Variants in NOL4 observed in about 807,000 individuals in gnomAD.
The protein encoded by NOL4 is nucleolar protein 4, also known as cancer/testis antigen 125.
In NOL4, 17 loss-of-function variants were observed where a neutral mutation model predicts 75.9. The ratio of observed to expected loss-of-function variants is 0.22; its 90% CI spans 0.15 to 0.34. The LOEUF (loss-of-function observed/expected upper bound fraction) is 0.34. NOL4 is among the 10% of genes least tolerant of loss of function. The pLI is 1.00. For synonymous variants in NOL4, 292 were observed against 289.9 expected, an observed-to-expected ratio of 1.01 and a Z score of -0.07; for missense variants, 614 against 793.5, an observed-to-expected ratio of 0.77 and a Z score of 2.72.
chr18:33,886,785 C>CTATATACGTA (rs1568009154), intron 9 of NOL4, among the ~76,000 whole-genome samples: 4 of 139,152 alleles, frequency 2.9e-5, no homozygotes, highest in Middle Eastern at 4.1e-3. Flanking sequence ...ATATATATAT[C>CTATATACGTA]TATAGATATA....
At chr18:34,123,558 TATG>T (rs2080248428) in intron 2 of NOL4, among the ~76,000 whole-genome samples, 1 of 141,476 alleles carries the variant, frequency 7.1e-6, no homozygotes. Context: ...TATATATATA[TATG>T]GTTCTCTATA....
At chr18:33,922,067 T>A (rs1363146659) in intron 9 of NOL4, among the ~76,000 whole-genome samples, 1 of 152,166 alleles carries the variant, frequency 6.6e-6, no homozygotes, top group Non-Finnish European at 1.5e-5. Context: ...GTTGCTACTA[T>A]GAGAGGATAA....
chr18:33,886,802 T>A (rs1332029108), intron 9 of NOL4, among the ~76,000 whole-genome samples: 1 of 142,326 alleles, frequency 7.0e-6, no homozygotes, highest in South Asian at 2.1e-4. Context: ...TATATCTATA[T>A]ACGTATATAG....
chr18:34,128,871 T>G (rs2080502908), intron 2 of NOL4: 2 of 982,148 alleles, frequency 2.0e-6, no homozygotes, highest in African/African-American at 1.7e-5. Flanking sequence ...CTTTGAGCAT[T>G]TCACACATTT....
intron 2 of NOL4, among the ~76,000 whole-genome samples, chr18:34,110,378 A>T (rs1438266931): frequency 6.6e-6 from 1 of 152,146 alleles, no homozygotes; most frequent in East Asian, 1.9e-4. Flanking sequence ...GGATGTTTCA[A>T]CATACACAAA....
intron 3 of NOL4, 77 bp from the exon 4 acceptor site, chr18:34,104,236 C>T (rs2079166199): frequency 1.1e-6 from 1 of 879,070 alleles, no homozygotes. Context: ...TCTATTTCTC[C>T]AAATTGAAAC....
At chr18:33,865,491 G>A (rs2063387111) in intron 10 of NOL4, among the ~76,000 whole-genome samples, 1 of 151,960 alleles carries the variant, frequency 6.6e-6, no homozygotes, top group African/African-American at 2.4e-5. Context: ...CAGCTGTAAT[G>A]TCATACACCC....
intron 1 of NOL4, among the ~76,000 whole-genome samples, chr18:34,178,428 A>G (rs2033745876): frequency 1.3e-5 from 2 of 151,694 alleles, no homozygotes; most frequent in Admixed American, 1.3e-4. Flanking sequence ...GACTAAATTA[A>G]TGGATAAAAA....
chr18:34,109,906 G>T (rs983770940), intron 2 of NOL4, among the ~76,000 whole-genome samples: 26 of 151,558 alleles, frequency 1.7e-4, no homozygotes, highest in African/African-American at 6.3e-4. Flanking sequence ...TAACACAAAA[G>T]AAATGCATAA....
At chr18:34,141,590 C>T (rs960700745) in intron 1 of NOL4, among the ~76,000 whole-genome samples, 4 of 151,910 alleles carry the variant, frequency 2.6e-5, no homozygotes, top group African/African-American at 7.3e-5. Context: ...GGGAAAGGTT[C>T]CCTATTTAAT....
intron 10 of NOL4, among the ~76,000 whole-genome samples, chr18:33,866,662 G>T (rs537502086): frequency 3.9e-5 from 6 of 152,122 alleles, no homozygotes; most frequent in South Asian, 2.1e-4. Flanking sequence ...ATAACCTAAA[G>T]TGAGAATCAG....
At chr18:34,220,356 A>G (rs1370062924) in intron 1 of NOL4, among the ~76,000 whole-genome samples, 1 of 152,206 alleles carries the variant, frequency 6.6e-6, no homozygotes, top group African/African-American at 2.4e-5. Flanking sequence ...ATCAGGAGCA[A>G]AGCATCTCTT....
At chr18:34,065,487 G>GT (rs918537096) in intron 5 of NOL4, among the ~76,000 whole-genome samples, 6 of 151,908 alleles carry the variant, frequency 3.9e-5, no homozygotes, top group Non-Finnish European at 5.9e-5. Flanking sequence ...TATTGTAAAA[G>GT]TAACTACCCA....
At chr18:34,142,444 A>G (rs1485065892) in intron 1 of NOL4, among the ~76,000 whole-genome samples, 2 of 152,214 alleles carry the variant, frequency 1.3e-5, no homozygotes, top group Middle Eastern at 3.2e-3. Context: ...ATGTCCATCA[A>G]TGATAGACTG....
At chr18:33,911,238 T>C (rs897177177) in intron 9 of NOL4, among the ~76,000 whole-genome samples, 2 of 150,656 alleles carry the variant, frequency 1.3e-5, no homozygotes, top group Non-Finnish European at 3.0e-5. Context: ...TTCTTTTGCA[T>C]TTACTATCCT....
At chr18:33,915,890 C>A (rs1568056990) in intron 9 of NOL4, among the ~76,000 whole-genome samples, 1 of 152,082 alleles carries the variant, frequency 6.6e-6, no homozygotes, top group East Asian at 1.9e-4. Flanking sequence ...AGGTTGTATG[C>A]AATGTATACA....
intron 1 of NOL4, among the ~76,000 whole-genome samples, chr18:34,153,040 T>G (rs1284635622): frequency 1.3e-5 from 2 of 151,910 alleles, no homozygotes; most frequent in Non-Finnish European, 2.9e-5. Flanking sequence ...AAAATAAATT[T>G]GCCAAAATTA....
chr18:34,177,209 A>C (rs1167658954), intron 1 of NOL4, among the ~76,000 whole-genome samples: 3 of 152,020 alleles, frequency 2.0e-5, no homozygotes, highest in African/African-American at 7.2e-5. Context: ...AAATTCTAGA[A>C]ATTGCAAACT....
chr18:34,213,207 TA>T (rs1203972255), intron 1 of NOL4, among the ~76,000 whole-genome samples: 2 of 152,224 alleles, frequency 1.3e-5, no homozygotes, highest in Non-Finnish European at 2.9e-5. Context: ...GTTGGAAACT[TA>T]ATCTCCAATG....
Sources: gnomAD v4.1 joint callset for allele counts (sites outside exome capture counted in the v4.1 genomes callset) on GRCh38, gnomAD v4.1.1 for gene constraint, MANE v1.5 for transcripts, NCBI Gene and HGNC (gene_info 2026-07-23, HGNC 2026-07-21) for gene names.